Variants in TMEM74 observed in about 807,000 individuals in gnomAD.
TMEM74 encodes the protein transmembrane protein 74.
A neutral mutation model predicts 18.1 loss-of-function variants in TMEM74; 13 were observed. The observed-to-expected ratio is 0.72, with a 90% CI of 0.47 to 1.14. The LOEUF (loss-of-function observed/expected upper bound fraction) is 1.14. TMEM74 is among the 50% of genes most tolerant of loss of function. The pLI, the probability that TMEM74 is intolerant of heterozygous loss-of-function variation, is 0.00. For synonymous variants in TMEM74, 159 were observed against 146.6 expected (o/e 1.08, Z -0.61); for missense variants, 372 against 375.9 (o/e 0.99, Z 0.09).
chr8:108,659,944 G>C (rs376615277), intron 1 of TMEM74, among the ~76,000 whole-genome samples: 1 of 152,144 alleles, frequency 6.6e-6, no homozygotes, highest in Non-Finnish European at 1.5e-5. Flanking sequence ...CAACTTTGAT[G>C]AGCCGTATGC....
At chr8:108,715,872 C>A (rs145597487) in intron 1 of TMEM74, among the ~76,000 whole-genome samples, 125 of 151,862 alleles carry the variant, frequency 8.2e-4, no homozygotes, top group African/African-American at 2.9e-3. Context: ...AGACAAGTAA[C>A]CCTGGTGACA....
chr8:108,784,346 C>T lies in TMEM74; in HGVS notation c.753G>A (p.Met251Ile). ...LGGVILSCLL[M>I]MSMWKGELYR... ...AGAGCTCCCCCTTCCACATGGACAT[C>T]ATTAACAAGCAGGACAGGATGACGC... Residue 251 changes from methionine (M) to isoleucine (I), a missense_variant, in exon 2 of 2, where the codon ATG (methionine) becomes ATA (isoleucine). Transcript: ENST00000297459. 6.2e-7 allele frequency: 1 copy of T among 1,614,074 alleles called. No homozygotes were observed. Among genetic ancestry groups the T allele is most frequent in the South Asian group, 1.1e-5 (1 of 91,068 alleles).
At chr8:108,649,036 T>C (rs1812747547) in intron 2 of TMEM74, among the ~76,000 whole-genome samples, 1 of 152,176 alleles carries the variant, frequency 6.6e-6, no homozygotes, top group South Asian at 2.1e-4. Flanking sequence ...GTTCTTTACA[T>C]CTTCTGAGAT....
intron 1 of TMEM74, among the ~76,000 whole-genome samples, chr8:108,716,234 C>T (rs1329874153): frequency 2.0e-5 from 3 of 151,968 alleles, no homozygotes; most frequent in East Asian, 3.8e-4. Flanking sequence ...CATCACTACA[C>T]AGTAAATCAA....
chr8:108,656,308 T>A (rs1812820849), intron 1 of TMEM74, among the ~76,000 whole-genome samples: 1 of 152,088 alleles, frequency 6.6e-6, no homozygotes, highest in African/African-American at 2.4e-5. Flanking sequence ...GGTGAATAAG[T>A]TTGCTTAGTT....
intron 1 of TMEM74, among the ~76,000 whole-genome samples, chr8:108,731,814 A>C (rs1024491936): frequency 6.6e-6 from 1 of 152,130 alleles, no homozygotes; most frequent in African/African-American, 2.4e-5. Flanking sequence ...TTTAAGTTTA[A>C]TCATTATTTC....
intron 1 of TMEM74, among the ~76,000 whole-genome samples, chr8:108,674,343 G>A (rs1392969046): frequency 6.6e-6 from 1 of 152,188 alleles, no homozygotes; most frequent in Admixed American, 6.6e-5. Flanking sequence ...AAAAGAGAGT[G>A]TGATCCAAAA....
chr8:108,617,312 G>C (rs942646903), intron 2 of TMEM74, among the ~76,000 whole-genome samples: 9 of 152,060 alleles, frequency 5.9e-5, no homozygotes, highest in African/African-American at 1.9e-4. Flanking sequence ...TACGGCCTAT[G>C]GGTTGCTCTT....
intron 1 of TMEM74, among the ~76,000 whole-genome samples, chr8:108,767,546 A>G (rs965235713): frequency 1.3e-5 from 2 of 152,144 alleles, no homozygotes; most frequent in African/African-American, 4.8e-5. Flanking sequence ...TCCTTTATAT[A>G]CAGATCTGTG....
intron 1 of TMEM74, among the ~76,000 whole-genome samples, chr8:108,662,139 A>C (rs1453004265): frequency 6.6e-6 from 1 of 152,152 alleles, no homozygotes; most frequent in Non-Finnish European, 1.5e-5. Flanking sequence ...TGGGAGATAG[A>C]GCCTTCCACA....
intron 1 of TMEM74, among the ~76,000 whole-genome samples, chr8:108,657,859 A>AAAAAAAAAAATAT (rs1554630268): frequency 4.0e-5 from 2 of 49,878 alleles, no homozygotes; most frequent in Non-Finnish European, 7.0e-5. Flanking sequence ...AAAAAAAAAA[A>AAAAAAAAAAATAT]ATATATATAT....
At chr8:108,754,125 C>T (rs975126502) in intron 1 of TMEM74, among the ~76,000 whole-genome samples, 4 of 152,044 alleles carry the variant, frequency 2.6e-5, no homozygotes, top group African/African-American at 9.7e-5. Context: ...TTATCATAAT[C>T]TACTATCAGG....
intron 2 of TMEM74, among the ~76,000 whole-genome samples, chr8:108,637,431 A>G (rs895816193): frequency 3.3e-5 from 5 of 152,110 alleles, no homozygotes; most frequent in African/African-American, 1.2e-4. Flanking sequence ...TGCTGAAGTG[A>G]TGAAGTATCT....
intron 1 of TMEM74, among the ~76,000 whole-genome samples, chr8:108,675,101 G>T (rs563326408): frequency 8.5e-5 from 13 of 152,304 alleles, no homozygotes; most frequent in Non-Finnish European, 1.5e-4. Flanking sequence ...ATCATTCTGA[G>T]ACATATGTTT....
chr8:108,652,939 C>A, intron 2 of TMEM74: 2 of 319,806 alleles, frequency 6.3e-6, no homozygotes, highest in South Asian at 3.1e-5. Context: ...AATTTTCTAG[C>A]GACTTGCTAG....
chr8:108,643,649 G>A (rs772919092), intron 2 of TMEM74, among the ~76,000 whole-genome samples: 1 of 151,660 alleles, frequency 6.6e-6, no homozygotes, highest in Non-Finnish European at 1.5e-5. Context: ...GCTCAGGTGG[G>A]AGAATCACTT....
chr8:108,704,706 G>A (rs772726457), intron 1 of TMEM74, among the ~76,000 whole-genome samples: 1 of 152,194 alleles, frequency 6.6e-6, no homozygotes, highest in Non-Finnish European at 1.5e-5. Flanking sequence ...CATGATCAGA[G>A]GCAGCAGCAT....
chr8:108,614,657 T>G (rs904111940), intron 2 of TMEM74, among the ~76,000 whole-genome samples: 1 of 152,098 alleles, frequency 6.6e-6, no homozygotes, highest in Non-Finnish European at 1.5e-5. Context: ...TGTGTAGCTG[T>G]GGGGGGTTTT....
At chr8:108,685,857 AAAT>A (rs1329348767) in intron 1 of TMEM74, among the ~76,000 whole-genome samples, 1 of 152,182 alleles carries the variant, frequency 6.6e-6, no homozygotes, top group Non-Finnish European at 1.5e-5. Context: ...ATGAAAGAGA[AAAT>A]AATCCAACTA....
Sources: allele counts gnomAD v4.1 joint callset (sites outside exome capture counted in the v4.1 genomes callset), GRCh38; gene constraint gnomAD v4.1.1; transcripts MANE v1.5; gene names NCBI Gene and HGNC (gene_info 2026-07-23, HGNC 2026-07-21).